The following SNTG2 variants were observed in gnomAD, a reference collection of about 807,000 sequenced individuals.
SNTG2 encodes gamma-2-syntrophin.
A neutral mutation model predicts 70.9 loss-of-function variants in SNTG2; 74 were observed. The ratio of observed to expected loss-of-function variants is 1.04; its 90% CI spans 0.86 to 1.27. The LOEUF (loss-of-function observed/expected upper bound fraction) is 1.27. SNTG2 is among the 50% of genes most tolerant of loss of function. SNTG2 has a pLI of 0.00. For synonymous variants in SNTG2, 278 were observed against 273.8 expected (o/e 1.02, Z -0.15); for missense variants, 717 against 690.7 (o/e 1.04, Z -0.43).
intron 1 of SNTG2, chr2:1,059,371 A>G (rs978270659): frequency 6.9e-6 from 1 of 144,242 alleles, no homozygotes; most frequent in South Asian, 2.3e-4. Context: ...CAAAAAAAAA[A>G]AAATAATAAT....
intron 4 of SNTG2, among the ~76,000 whole-genome samples, chr2:1,114,488 C>A (rs957664469): frequency 6.6e-6 from 1 of 151,950 alleles, no homozygotes; most frequent in African/African-American, 2.4e-5. Context: ...CCCTTACAGT[C>A]CTTTGAGGAG....
chr2:1,252,576 C>A (rs1233747161), intron 12 of SNTG2, among the ~76,000 whole-genome samples: 1 of 152,154 alleles, frequency 6.6e-6, no homozygotes, highest in Non-Finnish European at 1.5e-5. Flanking sequence ...CTGCCTGCAC[C>A]ATGTCCAGCA....
chr2:962,034 C>T (rs1260540719), intron 1 of SNTG2, among the ~76,000 whole-genome samples: 1 of 152,230 alleles, frequency 6.6e-6, no homozygotes, highest in Non-Finnish European at 1.5e-5. Flanking sequence ...TCAATCTAGA[C>T]TTCATTGGTT....
rs1669335172 is a variant in SNTG2, at chr2:1,149,671, C to CATTTTTTTTT, written c.411+11862_411+11863insATTTTTTTTT. On this transcript the variant is annotated intron_variant, in intron 6 of 16. Transcript: ENST00000308624. ...TCAACAGATTGATGAAGTTGATTAG[C>CATTTTTTTTT]GTTTTTTTTTTTTTTTTTTTTTTTT... Among the ~76,000 whole-genome samples the CATTTTTTTTT allele has an allele frequency of 2.2e-5, 2 of 92,326 alleles. 1 individual carries two copies. Among genetic ancestry groups the CATTTTTTTTT allele is most frequent in the African/African-American group, 8.9e-5 (2 of 22,592 alleles). The allele number at this position is 92,326 out of a possible 152,430, so 60.6% of individuals were successfully genotyped here. A position where few individuals can be genotyped will look rare whatever the true frequency, so the allele number is the denominator to read the frequency against.
chr2:1,274,107 A>G (rs1166195480), intron 14 of SNTG2, among the ~76,000 whole-genome samples: 1 of 152,242 alleles, frequency 6.6e-6, no homozygotes, highest in African/African-American at 2.4e-5. Flanking sequence ...CAGCACACAT[A>G]TTAGAATGAG....
intron 1 of SNTG2, among the ~76,000 whole-genome samples, chr2:1,075,830 A>T (rs1663880492): frequency 1.3e-5 from 2 of 152,234 alleles, no homozygotes; most frequent in South Asian, 4.1e-4. Flanking sequence ...CTGCCAGAAA[A>T]ATGACTGAAT....
chr2:964,442 G>A (rs1402807675), intron 1 of SNTG2, among the ~76,000 whole-genome samples: 1 of 152,166 alleles, frequency 6.6e-6, no homozygotes, highest in South Asian at 2.1e-4. Flanking sequence ...TTACTTCCAG[G>A]AGAGCAGTCC....
Position 1,328,866 on chromosome 2 carries a change from CACAT to C in SNTG2, c.1488+12495_1488+12498del, listed in dbSNP as rs1446538421. 3.3e-5 allele frequency among the ~76,000 whole-genome samples: 5 copies of C among 152,046 alleles called. No individual in the cohort carries two copies. In the East Asian group the frequency reaches 7.7e-4, roughly 24 times the overall value. On this transcript the variant is annotated intron_variant, in intron 16 of 16. Transcript: ENST00000308624. ...ACATACACACACAGATGCATACACA[CACAT>C]ACACATGCACACGCATACACACATG...
At chr2:1,110,690 T>C (rs1267041293) in intron 4 of SNTG2, among the ~76,000 whole-genome samples, 1 of 152,244 alleles carries the variant, frequency 6.6e-6, no homozygotes, top group Non-Finnish European at 1.5e-5. Flanking sequence ...CCGCTGGGCC[T>C]TTGCCTTTGC....
intron 6 of SNTG2, among the ~76,000 whole-genome samples, chr2:1,138,593 C>T (rs1427242790): frequency 1.3e-5 from 2 of 151,970 alleles, no homozygotes; most frequent in African/African-American, 4.8e-5. Context: ...GCAGAGCAGT[C>T]CCTGTGCTGA....
chr2:1,330,002 A>G (rs1659434299), intron 16 of SNTG2, among the ~76,000 whole-genome samples: 2 of 152,192 alleles, frequency 1.3e-5, no homozygotes, highest in South Asian at 4.1e-4. Context: ...CTCTGGTGCC[A>G]CTGCCTCTGA....
intron 12 of SNTG2, among the ~76,000 whole-genome samples, chr2:1,257,277 T>C (rs1309965209): frequency 1.3e-5 from 2 of 152,176 alleles, no homozygotes; most frequent in Non-Finnish European, 2.9e-5. Context: ...TTCTCTTCCC[T>C]GAATCAATCA....
chr2:1,231,756 C>T (rs1433933089), intron 9 of SNTG2, among the ~76,000 whole-genome samples: 1 of 152,148 alleles, frequency 6.6e-6, no homozygotes, highest in African/African-American at 2.4e-5. Context: ...GGAGTGTAGA[C>T]ACCACCTTCC....
intron 9 of SNTG2, among the ~76,000 whole-genome samples, chr2:1,219,450 C>A (rs1674608366): frequency 6.6e-6 from 1 of 152,136 alleles, no homozygotes; most frequent in South Asian, 2.1e-4. Context: ...AGTGATTATC[C>A]CCAAAGATGA....
intron 9 of SNTG2, among the ~76,000 whole-genome samples, chr2:1,220,910 A>G (rs1273532720): frequency 6.6e-6 from 1 of 152,192 alleles, no homozygotes; most frequent in Non-Finnish European, 1.5e-5. Context: ...TGCTAAGCAG[A>G]TGAATGACTA....
chr2:1,318,671 C>T (rs1681395088), intron 16 of SNTG2, among the ~76,000 whole-genome samples: 1 of 152,228 alleles, frequency 6.6e-6, no homozygotes. Flanking sequence ...ACATCAGTTT[C>T]CATCTGGTAT....
intron 9 of SNTG2, among the ~76,000 whole-genome samples, chr2:1,211,492 C>T (rs527383789): frequency 6.6e-6 from 1 of 152,250 alleles, no homozygotes; most frequent in East Asian, 1.9e-4. Flanking sequence ...AGTCCATTTT[C>T]ATACTACTGT....
chr2:1,170,875 A>G (rs552112150), intron 7 of SNTG2, among the ~76,000 whole-genome samples: 2 of 152,072 alleles, frequency 1.3e-5, no homozygotes, highest in Admixed American at 1.3e-4. Context: ...CGACTACTGG[A>G]ATTGCTGGGT....
At chr2:1,099,073 C>G (rs1448808689) in intron 4 of SNTG2, among the ~76,000 whole-genome samples, 2 of 152,192 alleles carry the variant, frequency 1.3e-5, no homozygotes, top group Non-Finnish European at 2.9e-5. Context: ...TAATGAACCC[C>G]CTGCGGTAAA....
Sources: allele counts gnomAD v4.1 joint callset (sites outside exome capture counted in the v4.1 genomes callset), GRCh38; gene constraint gnomAD v4.1.1; transcripts MANE v1.5; gene names NCBI Gene and HGNC (gene_info 2026-07-23, HGNC 2026-07-21).